CSMD1: variants seen among roughly 807,000 people sequenced by gnomAD.
CSMD1 encodes CUB and sushi domain-containing protein 1.
CSMD1 carries 213 observed loss-of-function variants against 417.5 expected under a neutral mutation model. That is an observed-to-expected ratio of 0.51 (90% CI 0.46 to 0.57). The LOEUF is 0.57. Among genes scored for constraint, CSMD1 ranks in the 20% least tolerant of loss-of-function variants. The pLI, the probability that CSMD1 is intolerant of heterozygous loss-of-function variation, is 0.00. For missense variants in CSMD1, 6,923 were observed against 4,529.7 expected, an observed-to-expected ratio of 1.53 and a Z score of -15.17; for synonymous variants, 2,862 against 1,736.8, an observed-to-expected ratio of 1.65 and a Z score of -16.11.
At chr8:3,963,941 A>G (rs1563260143) in intron 5 of CSMD1, among the ~76,000 whole-genome samples, 1 of 152,202 alleles carries the variant, frequency 6.6e-6, no homozygotes, top group South Asian at 2.1e-4. Context: ...CAGAAGAAAA[A>G]GAAGAAAAAG....
Position 4,293,959 on chromosome 8 carries a change from C to G in CSMD1, c.415+125994G>C, listed in dbSNP as rs141351749. 2.7e-3 allele frequency among the ~76,000 whole-genome samples: 408 copies of G among 151,978 alleles called. 2 individuals carry two copies. Among genetic ancestry groups the G allele is most frequent in the African/African-American group, 9.5e-3 (393 of 41,520 alleles). ...CACTTTTAAACACTTTCTACAAGTT[C>G]TAAAGCTGGTGCTTTTTGAACTTAC... On this transcript the variant is annotated intron_variant, in intron 3 of 69. Coordinates refer to ENST00000635120, the MANE Select transcript of CSMD1 (RefSeq NM_033225.6).
intron 3 of CSMD1, among the ~76,000 whole-genome samples, chr8:4,057,714 G>A (rs573943751): frequency 1.3e-5 from 2 of 151,918 alleles, no homozygotes; most frequent in African/African-American, 4.8e-5. Context: ...TTCTGTACAA[G>A]GTGTAAGGAA....
intron 1 of CSMD1, among the ~76,000 whole-genome samples, chr8:4,751,409 G>A (rs1397186921): frequency 6.6e-6 from 1 of 151,942 alleles, no homozygotes; most frequent in Admixed American, 6.6e-5. Flanking sequence ...TGGCGGGGCA[G>A]GAAAAGAGAG....
intron 10 of CSMD1, among the ~76,000 whole-genome samples, chr8:3,560,010 C>A (rs544966373): frequency 6.6e-6 from 1 of 151,936 alleles, no homozygotes; most frequent in Admixed American, 6.6e-5. Context: ...GAGTGGCCAG[C>A]GTAAGGGATT....
At chr8:4,095,265 G>A (rs904254216) in intron 3 of CSMD1, among the ~76,000 whole-genome samples, 9 of 152,136 alleles carry the variant, frequency 5.9e-5, no homozygotes, top group African/African-American at 1.4e-4. Flanking sequence ...AGGTTCCTCC[G>A]AGGAGATTAA....
Position 3,429,461 on chromosome 8 carries a change from T to A in CSMD1, c.1562-19856A>T, listed in dbSNP as rs1463709484. ...GAAGCCATGTCCAAAGCAACACTTGTACACAGATGTTCACTGACCTTCATT... is the reference window on the plus strand; with the variant it reads ...GAAGCCATGTCCAAAGCAACACTTGAACACAGATGTTCACTGACCTTCATT... On this transcript the variant is annotated intron_variant, in intron 12 of 69. Transcript: ENST00000635120. Among the ~76,000 whole-genome samples, 5 of 152,332 alleles carry A rather than the reference T, an allele frequency of 3.3e-5. No homozygotes were observed. The East Asian group carries it at 9.7e-4, about 29-fold the overall frequency.
chr8:4,874,087 C>A (rs986280418), intron 1 of CSMD1, among the ~76,000 whole-genome samples: 1 of 152,014 alleles, frequency 6.6e-6, no homozygotes, highest in African/African-American at 2.4e-5. Context: ...AGGCAAGCAC[C>A]GCATCAGGCC....
At chr8:2,979,659 C>A (rs974555586) in intron 54 of CSMD1, among the ~76,000 whole-genome samples, 3 of 152,176 alleles carry the variant, frequency 2.0e-5, no homozygotes, top group Non-Finnish European at 2.9e-5. Flanking sequence ...TGAAGACAAA[C>A]CCTGTACCCA....
chr8:3,451,495 A>C (rs1815711598), intron 12 of CSMD1, among the ~76,000 whole-genome samples: 1 of 152,178 alleles, frequency 6.6e-6, no homozygotes, highest in Non-Finnish European at 1.5e-5. Context: ...TTTTTGTATA[A>C]GGTGTAAGGA....
Position 4,712,263 on chromosome 8 carries a change from G to A in CSMD1, c.86-74705C>T, listed in dbSNP as rs144081449. ...ATAGCATCATTCAAAATTGGCTGAG[G>A]ATACATGTAGGTGAGAGTACACTTC... On this transcript the variant is annotated intron_variant, in intron 1 of 69. Transcript: ENST00000635120. 6.6e-4 allele frequency among the ~76,000 whole-genome samples: 100 copies of A among 152,260 alleles called. 1 individual carries two copies. In the East Asian group the frequency reaches 0.018, roughly 28 times the overall value.
At chr8:4,434,780 A>C (rs537391199) in intron 2 of CSMD1, among the ~76,000 whole-genome samples, 1 of 152,038 alleles carries the variant, frequency 6.6e-6, no homozygotes, top group East Asian at 1.9e-4. Context: ...CCCTTTCCAC[A>C]CTCCAGACCC....
chr8:4,961,048 C>G (rs368237343), intron 1 of CSMD1, among the ~76,000 whole-genome samples: 1 of 152,000 alleles, frequency 6.6e-6, no homozygotes, highest in African/African-American at 2.4e-5. Context: ...TCTCACCCTA[C>G]GAAATAGTCA....
At chr8:3,668,266 C>A (rs750199870) in intron 7 of CSMD1, among the ~76,000 whole-genome samples, 1 of 152,108 alleles carries the variant, frequency 6.6e-6, no homozygotes, top group Non-Finnish European at 1.5e-5. Flanking sequence ...TGAGTTCAGC[C>A]TGCGAAGATG....
intron 7 of CSMD1, among the ~76,000 whole-genome samples, chr8:3,691,544 T>G (rs1800245014): frequency 6.6e-6 from 1 of 152,196 alleles, no homozygotes; most frequent in Admixed American, 6.5e-5. Flanking sequence ...AGGACCTACC[T>G]GAATGAATAA....
intron 2 of CSMD1, among the ~76,000 whole-genome samples, chr8:4,523,928 T>C (rs1343385298): frequency 6.6e-6 from 1 of 152,160 alleles, no homozygotes; most frequent in Non-Finnish European, 1.5e-5. Context: ...GCTCTGCTCC[T>C]CAATGCTCTG....
At position 3,111,264 on chromosome 8, in the gene CSMD1, G is replaced by C. The variant is rs192354900; in HGVS notation, c.6431-929C>G. On this transcript the variant is annotated intron_variant, in intron 42 of 69. Transcript: ENST00000635120. ...CAAATGAGAATATACCATGAGGCGGGATATGATACACTGTTGAACTGCACA... is the reference window on the plus strand; with the variant it reads ...CAAATGAGAATATACCATGAGGCGGCATATGATACACTGTTGAACTGCACA... 3.0e-4 allele frequency among the ~76,000 whole-genome samples: 45 copies of C among 152,300 alleles called. No individual in the cohort carries two copies. The East Asian group carries it at 7.3e-3, about 25-fold the overall frequency.
intron 3 of CSMD1, among the ~76,000 whole-genome samples, chr8:4,206,273 C>T (rs1035559161): frequency 6.6e-6 from 1 of 151,992 alleles, no homozygotes; most frequent in African/African-American, 2.4e-5. Flanking sequence ...TATACATGTG[C>T]CATGTTGGTG....
chr8:3,312,851 G>A (rs1206555026), intron 23 of CSMD1, among the ~76,000 whole-genome samples: 4 of 152,148 alleles, frequency 2.6e-5, no homozygotes, highest in African/African-American at 9.7e-5. Flanking sequence ...CCCCTAGGCT[G>A]TTACTTTATC....
At chr8:4,777,538 T>A (rs1366187725) in intron 1 of CSMD1, among the ~76,000 whole-genome samples, 1 of 152,204 alleles carries the variant, frequency 6.6e-6, no homozygotes, top group Non-Finnish European at 1.5e-5. Flanking sequence ...ACACATTTTT[T>A]AAAAGCAGTA....
Sources: gnomAD v4.1 joint callset for allele counts (sites outside exome capture counted in the v4.1 genomes callset) on GRCh38, gnomAD v4.1.1 for gene constraint, MANE v1.5 for transcripts, NCBI Gene and HGNC (gene_info 2026-07-23, HGNC 2026-07-21) for gene names.